The following RIT2 variants were observed in gnomAD, a reference collection of about 807,000 sequenced individuals.
RIT2 encodes GTP-binding protein Rit2.
In RIT2, 24 loss-of-function variants were observed where a neutral mutation model predicts 23.7. The observed-to-expected ratio is 1.01, with a 90% CI of 0.73 to 1.43. RIT2 has a LOEUF of 1.43. Ranked by LOEUF, RIT2 falls within the 40% of genes most tolerant of loss-of-function variation. The pLI is 0.00. For missense variants in RIT2, 236 were observed against 266.9 expected, an observed-to-expected ratio of 0.88 and a Z score of 0.81; for synonymous variants, 107 against 91.1, an observed-to-expected ratio of 1.17 and a Z score of -0.99.
intron 3 of RIT2, among the ~76,000 whole-genome samples, chr18:42,964,377 A>G (rs1910163665): frequency 6.6e-6 from 1 of 151,818 alleles, no homozygotes; most frequent in African/African-American, 2.4e-5. Context: ...CCTCCCCAGT[A>G]TTTTGCCCAC....
At chr18:42,756,265 T>C (rs1338558180) in intron 4 of RIT2, among the ~76,000 whole-genome samples, 2 of 152,212 alleles carry the variant, frequency 1.3e-5, no homozygotes, top group Non-Finnish European at 2.9e-5. Context: ...TCTCTCTTGC[T>C]GTTCTGGAGA....
intron 2 of RIT2, among the ~76,000 whole-genome samples, chr18:42,976,582 T>G (rs557275333): frequency 6.6e-6 from 1 of 152,186 alleles, no homozygotes; most frequent in East Asian, 1.9e-4. Flanking sequence ...GTTTGGGTCA[T>G]GTAGTTGTTA....
At chr18:42,889,240 G>T (rs1487066846) in intron 4 of RIT2, among the ~76,000 whole-genome samples, 3 of 151,912 alleles carry the variant, frequency 2.0e-5, no homozygotes, top group East Asian at 1.9e-4. Context: ...CTTTCCTCGG[G>T]TATTCAAATA....
At chr18:43,014,573 A>C (rs1313500853) in intron 2 of RIT2, among the ~76,000 whole-genome samples, 1 of 141,252 alleles carries the variant, frequency 7.1e-6, no homozygotes, top group Non-Finnish European at 1.5e-5. Flanking sequence ...CTTTACTCCT[A>C]TCTCAGATAT....
intron 4 of RIT2, among the ~76,000 whole-genome samples, chr18:42,790,392 A>G (rs530904435): frequency 1.6e-4 from 25 of 152,322 alleles, no homozygotes; most frequent in African/African-American, 6.0e-4. Flanking sequence ...ATACAGAAAA[A>G]AACATTGGAT....
At chr18:42,773,447 A>G (rs532624813) in intron 4 of RIT2, among the ~76,000 whole-genome samples, 10 of 152,326 alleles carry the variant, frequency 6.6e-5, no homozygotes, top group African/African-American at 1.9e-4. Flanking sequence ...GGTTATTAAC[A>G]TGGGTGTGGT....
intron 3 of RIT2, among the ~76,000 whole-genome samples, chr18:42,963,776 A>G: frequency 6.6e-6 from 1 of 151,998 alleles, no homozygotes; most frequent in East Asian, 1.9e-4. Flanking sequence ...GGCACCCATA[A>G]TCCCAGCTAC....
chr18:42,819,522 G>A (rs1021219740), intron 4 of RIT2, among the ~76,000 whole-genome samples: 2 of 151,964 alleles, frequency 1.3e-5, no homozygotes, highest in African/African-American at 4.8e-5. Context: ...CTCCAGCAAA[G>A]TGGGTTTTAT....
chr18:42,943,160 C>T (rs1463028136), intron 3 of RIT2, among the ~76,000 whole-genome samples: 1 of 152,098 alleles, frequency 6.6e-6, no homozygotes, highest in Non-Finnish European at 1.5e-5. Flanking sequence ...CCTTATTTGT[C>T]CCCGCCCATG....
intron 3 of RIT2, among the ~76,000 whole-genome samples, chr18:42,965,772 C>T (rs866222659): frequency 6.7e-4 from 68 of 100,832 alleles, no homozygotes; most frequent in Middle Eastern, 0.01. Context: ...TTTTACCAAC[C>T]TGAGTATTTG....
chr18:43,091,789 C>T (rs1187495024), intron 1 of RIT2, among the ~76,000 whole-genome samples: 1 of 152,060 alleles, frequency 6.6e-6, no homozygotes, highest in Non-Finnish European at 1.5e-5. Flanking sequence ...CTGGTCTCTT[C>T]TCTGCCTGCA....
chr18:42,762,109 A>G (rs572500980), intron 4 of RIT2, among the ~76,000 whole-genome samples: 1 of 152,310 alleles, frequency 6.6e-6, no homozygotes, highest in Non-Finnish European at 1.5e-5. Context: ...GAAGTTAGTA[A>G]TATTAAGAGG....
intron 4 of RIT2, among the ~76,000 whole-genome samples, chr18:42,769,525 A>C (rs78915546): frequency 0.087 from 13,286 of 152,138 alleles, 785 homozygotes; most frequent in Non-Finnish European, 0.14. Flanking sequence ...AGATCTTCAT[A>C]TTTTGTACCA....
rs60751350 is a variant in RIT2 at position 42,827,289 on chromosome 18, T to C, written c.427-83569A>G. ...TTGTTGAAGCAATAGGTTTTCTAAT[T>C]GAGAAAAATAAAATAGCATTAGATA... On this transcript the variant is annotated intron_variant, in intron 4 of 4. Transcript: ENST00000326695. Among the ~76,000 whole-genome samples the C allele has an allele frequency of 3.3e-4, 50 of 152,170 alleles. No individual in the cohort carries two copies. In the East Asian group the frequency reaches 7.3e-3, roughly 22 times the overall value.
intron 4 of RIT2, among the ~76,000 whole-genome samples, chr18:42,841,167 G>A (rs1906758151): frequency 6.6e-6 from 1 of 152,168 alleles, no homozygotes; most frequent in South Asian, 2.1e-4. Flanking sequence ...ATGCTTTTAT[G>A]AAAACCTCAT....
intron 1 of RIT2, among the ~76,000 whole-genome samples, chr18:43,040,235 T>G (rs992140955): frequency 2.0e-5 from 3 of 152,178 alleles, no homozygotes; most frequent in African/African-American, 7.2e-5. Context: ...ATCAGAAAAT[T>G]AAGCTGCATG....
chr18:42,888,738 A>C (rs958613692), intron 4 of RIT2, among the ~76,000 whole-genome samples: 1 of 152,116 alleles, frequency 6.6e-6, no homozygotes, highest in Non-Finnish European at 1.5e-5. Flanking sequence ...CATAAAAAAG[A>C]ATGAAATCAT....
intron 3 of RIT2, among the ~76,000 whole-genome samples, chr18:42,938,734 C>T (rs1042780833): frequency 2.6e-5 from 4 of 152,018 alleles, no homozygotes; most frequent in African/African-American, 9.7e-5. Context: ...TGATATAGCA[C>T]ACATAATACA....
At chr18:42,949,421 A>G (rs1229926210) in intron 3 of RIT2, among the ~76,000 whole-genome samples, 1 of 152,106 alleles carries the variant, frequency 6.6e-6, no homozygotes, top group East Asian at 1.9e-4. Context: ...AAAAATGAGG[A>G]ACATTACATA....
Sources: allele counts gnomAD v4.1 joint callset (sites outside exome capture counted in the v4.1 genomes callset), GRCh38; gene constraint gnomAD v4.1.1; transcripts MANE v1.5; gene names NCBI Gene and HGNC (gene_info 2026-07-23, HGNC 2026-07-21).